The following RANBP2 variants were observed in gnomAD, a reference collection of about 807,000 sequenced individuals.
The protein encoded by RANBP2 is E3 SUMO-protein ligase RanBP2.
Under a neutral mutation model 303.6 loss-of-function variants are expected in RANBP2, and 57 were observed. The observed-to-expected ratio is 0.19, with a 90% confidence interval of 0.15 to 0.23. The LOEUF is 0.23. Among genes scored for constraint, RANBP2 ranks in the 10% least tolerant of loss-of-function variants. RANBP2 has a pLI of 1.00. For missense variants in RANBP2, 3,138 were observed against 3,780.8 expected (o/e 0.83, Z 4.46); for synonymous variants, 1,167 against 1,301.5 (o/e 0.90, Z 2.23).
At chr2:109,361,253 T>G in the RANBP2 span, among the ~76,000 whole-genome samples, 4 of 152,210 alleles carry the variant, frequency 2.6e-5, no homozygotes, top group Non-Finnish European at 1.5e-5. Flanking sequence ...ATATTTGCGT[T>G]TATGTTCATG....
chr2:108,818,520 A>G, the RANBP2 span, among the ~76,000 whole-genome samples: 1 of 152,216 alleles, frequency 6.6e-6, no homozygotes, highest in Non-Finnish European at 1.5e-5. Flanking sequence ...CTATATAATA[A>G]TAAAGGTAGA....
chr2:109,302,943 C>G, the RANBP2 span, among the ~76,000 whole-genome samples: 1 of 152,168 alleles, frequency 6.6e-6, no homozygotes, highest in Non-Finnish European at 1.5e-5. Flanking sequence ...GTGGCATGAT[C>G]TTAGCTCACT....
chr2:109,490,673 G>A, the RANBP2 span: 55 of 1,519,088 alleles, frequency 3.6e-5, no homozygotes, highest in Admixed American at 7.2e-4. Flanking sequence ...CACGCTCCCC[G>A]CCATCTGTGT....
At chr2:109,452,262 C>G in the RANBP2 span, among the ~76,000 whole-genome samples, 60 of 152,332 alleles carry the variant, frequency 3.9e-4, no homozygotes, top group Non-Finnish European at 7.8e-4. Flanking sequence ...CCAGCACACT[C>G]CCTGCAGGCC....
the RANBP2 span, among the ~76,000 whole-genome samples, chr2:109,073,566 G>T: frequency 6.7e-6 from 1 of 150,320 alleles, no homozygotes; most frequent in African/African-American, 2.4e-5. Context: ...CTACTCGGGA[G>T]GCTGAGGCAG....
At chr2:109,136,218 A>G in the RANBP2 span, among the ~76,000 whole-genome samples, 1 of 150,480 alleles carries the variant, frequency 6.6e-6, no homozygotes, top group African/African-American at 2.5e-5. Context: ...ATCTTTTTTG[A>G]GGTGCATTAA....
At chr2:109,103,052 C>G in the RANBP2 span, among the ~76,000 whole-genome samples, 1 of 152,290 alleles carries the variant, frequency 6.6e-6, no homozygotes, top group Non-Finnish European at 1.5e-5. Context: ...AAGAAAGTAA[C>G]ATTTACTGAG....
chr2:109,353,017 G>A, the RANBP2 span, among the ~76,000 whole-genome samples: 4 of 152,234 alleles, frequency 2.6e-5, no homozygotes, highest in South Asian at 2.1e-4. Context: ...GGCCCTGGCC[G>A]CTGCAGCTGC....
At chr2:109,686,279 C>T in the RANBP2 span, among the ~76,000 whole-genome samples, 1 of 152,100 alleles carries the variant, frequency 6.6e-6, no homozygotes, top group East Asian at 1.9e-4. Context: ...TAAACTGGAG[C>T]ATCAAGCTCA....
the RANBP2 span, chr2:109,399,053 C>A: frequency 1.6e-6 from 2 of 1,256,122 alleles, no homozygotes; most frequent in South Asian, 2.9e-5. Context: ...CGCCCCAGAA[C>A]TGCCTTTTGG....
chr2:108,916,840 C>T, the RANBP2 span, among the ~76,000 whole-genome samples: 1 of 152,316 alleles, frequency 6.6e-6, no homozygotes, highest in East Asian at 1.9e-4. Context: ...TTCCAAAGTT[C>T]CCAGGGCCAC....
the RANBP2 span, among the ~76,000 whole-genome samples, chr2:109,706,066 A>C: frequency 1.3e-5 from 2 of 152,076 alleles, no homozygotes; most frequent in Non-Finnish European, 2.9e-5. Flanking sequence ...TTCCAAATGC[A>C]TTCAAAATCC....
At chr2:109,093,990 G>C in the RANBP2 span, among the ~76,000 whole-genome samples, 1 of 152,246 alleles carries the variant, frequency 6.6e-6, no homozygotes, top group Non-Finnish European at 1.5e-5. Flanking sequence ...TGTATTAGCT[G>C]ACAGTTTTGA....
the RANBP2 span, chr2:108,798,309 C>G: frequency 3.0e-6 from 3 of 1,014,682 alleles, no homozygotes; most frequent in Non-Finnish European, 4.4e-6. Flanking sequence ...CCAGATTGTC[C>G]TTAGGTACCC....
chr2:109,565,817 T>C, the RANBP2 span: 3 of 1,614,078 alleles, frequency 1.9e-6, no homozygotes, highest in African/African-American at 4.0e-5. Context: ...TTTCCGACTT[T>C]TACCTCATCC....
chr2:109,058,555 T>G, the RANBP2 span, among the ~76,000 whole-genome samples: 22 of 152,178 alleles, frequency 1.4e-4, no homozygotes, highest in Non-Finnish European at 2.1e-4. Context: ...GCTTAAAGAT[T>G]TAGTCCCAAG....
At chr2:109,303,321 C>T in the RANBP2 span, among the ~76,000 whole-genome samples, 2 of 152,252 alleles carry the variant, frequency 1.3e-5, no homozygotes, top group Non-Finnish European at 2.9e-5. Context: ...GAGCTTGCCT[C>T]TGGCAGGGTT....
chr2:109,593,731 C>G, the RANBP2 span, among the ~76,000 whole-genome samples: 1 of 151,926 alleles, frequency 6.6e-6, no homozygotes, highest in East Asian at 1.9e-4. Flanking sequence ...ACTCTAAGAG[C>G]CAAGAAGTCC....
chr2:108,939,227 C>G, the RANBP2 span, among the ~76,000 whole-genome samples: 2,270 of 152,198 alleles, frequency 0.015, 30 homozygotes, highest in South Asian at 0.029. Flanking sequence ...ACCCAGGCTA[C>G]AGTGTAGTGG....
Sources: allele counts gnomAD v4.1 joint callset (sites outside exome capture counted in the v4.1 genomes callset), GRCh38; gene constraint gnomAD v4.1.1; transcripts MANE v1.5; gene names NCBI Gene and HGNC (gene_info 2026-07-23, HGNC 2026-07-21).